The following SSH1 variants were observed in gnomAD, a reference collection of about 807,000 sequenced individuals.
SSH1 encodes the protein protein phosphatase Slingshot homolog 1.
In SSH1, 43 loss-of-function variants were observed where a neutral mutation model predicts 79.7. The ratio of observed to expected loss-of-function variants is 0.54; its 90% CI spans 0.42 to 0.70. The LOEUF is 0.70. Ranked by LOEUF, SSH1 falls within the 30% of genes least tolerant of loss-of-function variation. The pLI is 0.00. For synonymous variants in SSH1, 599 were observed against 538.3 expected (o/e 1.11, Z -1.56); for missense variants, 1,206 against 1,358.8 (o/e 0.89, Z 1.77).
rs1351098153 is a variant in SSH1, at chr12:108,788,181, G to GT, written c.2956dup (p.Thr986AsnfsTer10). ...ACTGGACAGGTCTTCCGTTGAGAAG[G>GT]TGAGACTCCCCAGCTTGGCAAGAGA... On this transcript the variant is annotated frameshift_variant, in exon 15 of 15. Coordinates refer to ENST00000326495, the MANE Select transcript of SSH1 (RefSeq NM_018984.4). LOFTEE classifies it low-confidence loss of function (END_TRUNC). 1 of 1,614,048 alleles carries GT rather than the reference G, an allele frequency of 6.2e-7. No homozygotes were observed. Among genetic ancestry groups the GT allele is most frequent in the Non-Finnish European group, 8.5e-7 (1 of 1,180,022 alleles).
intron 2 of SSH1, among the ~76,000 whole-genome samples, chr12:108,849,220 C>A (rs1242723560): frequency 1.3e-5 from 2 of 152,198 alleles, no homozygotes; most frequent in African/African-American, 4.8e-5. Context: ...AGGTCCCCTG[C>A]AGCTCCCAAC....
chr12:108,844,194 A>G (rs569195579), intron 2 of SSH1, among the ~76,000 whole-genome samples: 64 of 152,248 alleles, frequency 4.2e-4, no homozygotes, highest in Non-Finnish European at 9.0e-4. Flanking sequence ...GAGATCATAT[A>G]ATAGCCTAGG....
In SSH1 at chr12:108,817,672, G is replaced by C. The variant is rs541060232; in HGVS notation, c.280-513C>G. 3.3e-5 allele frequency among the ~76,000 whole-genome samples: 5 copies of C among 152,320 alleles called. No homozygotes were observed. In the East Asian group the frequency reaches 9.7e-4, roughly 29 times the overall value. ...AGCACCAGGGACGCCGCCTGGCTCA[G>C]AGGAATCACCCAAAATGCAAGAAAT... On this transcript the variant is annotated intron_variant, in intron 4 of 14. Coordinates refer to ENST00000326495, the MANE Select transcript of SSH1 (RefSeq NM_018984.4).
chr12:108,779,377 C>T lies in SSH1; in HGVS notation c.*8611G>A, dbSNP rs2036126538. 1 of 152,186 alleles carries T rather than the reference C, an allele frequency of 6.6e-6. No homozygotes were observed. The highest frequency in any genetic ancestry group is 1.5e-5 in the Non-Finnish European group (1 of 68,040). 9.4% of individuals were successfully genotyped at this position (152,186 alleles called of 1,614,324 possible). On this transcript the variant is annotated 3_prime_UTR_variant, in exon 15 of 15. Transcript: ENST00000326495. ...TTCCCAGGGGCTGGGGGCTTCATCTCCAACTCATCTGCTTCCTTGCTGAAA... is the reference window on the plus strand; with the variant it reads ...TTCCCAGGGGCTGGGGGCTTCATCTTCAACTCATCTGCTTCCTTGCTGAAA...
At chr12:108,796,320 G>A (rs2036750693) in intron 13 of SSH1, among the ~76,000 whole-genome samples, 1 of 152,138 alleles carries the variant, frequency 6.6e-6, no homozygotes. Context: ...TCTGTCTCTG[G>A]CAAAGCTGAA....
chr12:108,852,699 T>C (rs1483951626), intron 1 of SSH1, 21 bp from the exon 2 acceptor site: 3 of 1,614,022 alleles, frequency 1.9e-6, no homozygotes, highest in South Asian at 1.1e-5. Context: ...AGAAAGAGAA[T>C]ATCACACCAC....
Position 108,807,679 on chromosome 12 carries a change from C to A in SSH1, c.685G>T (p.Asp229Tyr). Reference sequence around the variant, plus strand: ...GAGTCGGGCCGCGTAGACTCCAGGTCCTGCATGGCGTTCCACTCGTTGATG... The same window carrying A: ...GAGTCGGGCCGCGTAGACTCCAGGTACTGCATGGCGTTCCACTCGTTGATG... ...SCINEWNAMQ[D>Y]LESTRPDSPA... is the part of the protein sequence containing the mutation. The change falls in exon 8 of 15, where the codon GAC becomes TAC. Residue 229 changes from aspartate (D) to tyrosine (Y), a missense_variant. Asp to Tyr is a radical substitution (Grantham distance 160). Around this residue, in one of 5 missense-constraint regions of SSH1, gnomAD observed 116 missense variants for 109.0 expected, o/e 1.06. Coordinates refer to ENST00000326495, the MANE Select transcript of SSH1 (RefSeq NM_018984.4). The surrounding 1 kb of genome is among the most constrained non-coding windows in gnomAD (Gnocchi z 5.2). 6.2e-7 allele frequency: 1 copy of A among 1,613,184 alleles called. No individual in the cohort carries two copies. Among genetic ancestry groups the A allele is most frequent in the Non-Finnish European group, 8.5e-7 (1 of 1,179,508 alleles).
chr12:108,811,572 T>C (rs2037601588), intron 5 of SSH1: 1 of 546,496 alleles, frequency 1.8e-6, no homozygotes, highest in Non-Finnish European at 3.4e-6. Context: ...ACGCCCACTC[T>C]ACAGCAGGGA....
intron 2 of SSH1, among the ~76,000 whole-genome samples, chr12:108,832,356 C>A (rs1422250424): frequency 6.8e-6 from 1 of 147,024 alleles, no homozygotes; most frequent in Non-Finnish European, 1.5e-5. Flanking sequence ...ACCACCAAGA[C>A]TGGGAGAAGA....
chr12:108,828,615 A>T (rs2137216272), intron 2 of SSH1, among the ~76,000 whole-genome samples: 1 of 152,304 alleles, frequency 6.6e-6, no homozygotes, highest in East Asian at 1.9e-4. Context: ...ACAGAACTCC[A>T]GGAAGACGAG....
At chr12:108,841,175 T>C (rs189533083) in intron 2 of SSH1, among the ~76,000 whole-genome samples, 143 of 152,358 alleles carry the variant, frequency 9.4e-4, no homozygotes, top group Middle Eastern at 3.4e-3. Flanking sequence ...CCCTAGGTTG[T>C]CTGACTCCGT....
intron 2 of SSH1, among the ~76,000 whole-genome samples, chr12:108,836,111 TA>T (rs2137242949): frequency 6.7e-6 from 1 of 149,184 alleles, no homozygotes; most frequent in Admixed American, 6.7e-5. Context: ...ATAATATGCA[TA>T]ATGTTAATAT....
At chr12:108,808,976 G>GT in intron 7 of SSH1, among the ~76,000 whole-genome samples, 1 of 151,552 alleles carries the variant, frequency 6.6e-6, no homozygotes, top group Admixed American at 6.6e-5. Context: ...TGGGACTACA[G>GT]GTGTGTACCG....
At chr12:108,794,289 G>A (rs898564855) in intron 13 of SSH1, among the ~76,000 whole-genome samples, 1 of 152,184 alleles carries the variant, frequency 6.6e-6, no homozygotes, top group East Asian at 1.9e-4. Flanking sequence ...AGAGCCTGGG[G>A]TACTGGAACT....
intron 1 of SSH1, among the ~76,000 whole-genome samples, chr12:108,855,262 T>C (rs1384257277): frequency 1.3e-5 from 2 of 152,166 alleles, no homozygotes; most frequent in East Asian, 1.9e-4. Flanking sequence ...TGTGATTCCA[T>C]TTATATAAAA....
chr12:108,799,773 C>G (rs2036909247), intron 12 of SSH1, among the ~76,000 whole-genome samples: 1 of 152,212 alleles, frequency 6.6e-6, no homozygotes, highest in Non-Finnish European at 1.5e-5. Context: ...GAAGATGGGG[C>G]TGGCCGTTTA....
intron 13 of SSH1, among the ~76,000 whole-genome samples, chr12:108,794,007 T>TTCC (rs1042646624): frequency 6.6e-6 from 1 of 152,198 alleles, no homozygotes; most frequent in Non-Finnish European, 1.5e-5. Context: ...ATGCTCGCTC[T>TTCC]TCCTCCTCCT....
chr12:108,796,566 A>G (rs1443428076), intron 13 of SSH1, among the ~76,000 whole-genome samples: 1 of 152,060 alleles, frequency 6.6e-6, no homozygotes, highest in East Asian at 1.9e-4. Flanking sequence ...CATTGTATGA[A>G]TATGTCACGT....
At chr12:108,842,342 G>C (rs1435093635) in intron 2 of SSH1, among the ~76,000 whole-genome samples, 1 of 152,232 alleles carries the variant, frequency 6.6e-6, no homozygotes, top group Non-Finnish European at 1.5e-5. Context: ...GGTTAGGGCA[G>C]GACTCAGGTC....
Sources: gnomAD v4.1 joint callset for allele counts (sites outside exome capture counted in the v4.1 genomes callset) on GRCh38, gnomAD v4.1.1 for gene constraint, gnomAD v4.1.1 regional missense constraint, Gnocchi (gnomAD v3.1) non-coding constraint, MANE v1.5 for transcripts, NCBI Gene and HGNC (gene_info 2026-07-23, HGNC 2026-07-21) for gene names.